Variants in ABCA13 observed in about 807,000 individuals in gnomAD.
ABCA13 encodes the protein ATP-binding cassette sub-family A member 13.
ABCA13 carries 476 observed loss-of-function variants against 478.7 expected under a neutral mutation model. The ratio of observed to expected loss-of-function variants is 0.99; its 90% CI spans 0.92 to 1.07. ABCA13 has a LOEUF of 1.07. Among genes scored for constraint, ABCA13 ranks in the 50% least tolerant of loss-of-function variants. The probability of loss-of-function intolerance (pLI) is 0.00; values close to 1 mark genes in which losing one functional copy is unlikely to be tolerated. For missense variants in ABCA13, 6,060 were observed against 5,910.6 expected, an observed-to-expected ratio of 1.03 and a Z score of -0.83; for synonymous variants, 2,252 against 2,158.9, an observed-to-expected ratio of 1.04 and a Z score of -1.20.
intron 57 of ABCA13, among the ~76,000 whole-genome samples, chr7:48,587,910 C>A (rs1225359642): frequency 6.6e-6 from 1 of 152,200 alleles, no homozygotes; most frequent in Admixed American, 6.5e-5. Flanking sequence ...ACTGTTAATA[C>A]AAGTAATGCC....
chr7:48,484,548 G>T (rs886950456), intron 47 of ABCA13, among the ~76,000 whole-genome samples: 4 of 152,060 alleles, frequency 2.6e-5, no homozygotes, highest in Non-Finnish European at 5.9e-5. Context: ...CCCTTCTTAC[G>T]TATTCATAGG....
intron 51 of ABCA13, among the ~76,000 whole-genome samples, chr7:48,512,412 C>T (rs1831768265): frequency 6.6e-6 from 1 of 152,006 alleles, no homozygotes; most frequent in Non-Finnish European, 1.5e-5. Flanking sequence ...ATGTAATATC[C>T]TGAGCTATAA....
intron 51 of ABCA13, among the ~76,000 whole-genome samples, chr7:48,513,934 T>C (rs1440792417): frequency 6.6e-6 from 1 of 152,210 alleles, no homozygotes; most frequent in East Asian, 1.9e-4. Context: ...CTCATGTGGC[T>C]TCATTTAGGA....
intron 41 of ABCA13, among the ~76,000 whole-genome samples, chr7:48,427,153 G>C (rs1282301187): frequency 6.6e-6 from 1 of 152,108 alleles, no homozygotes; most frequent in Non-Finnish European, 1.5e-5. Context: ...CTTTGTGTCT[G>C]CTTGCACTTC....
chr7:48,293,205 C>CA lies in ABCA13; in HGVS notation c.8956-2494dup, dbSNP rs1197640060. Among the ~76,000 whole-genome samples, 68 of 134,874 alleles carry CA rather than the reference C, an allele frequency of 5.0e-4. 3 individuals are homozygous for CA. Among genetic ancestry groups the CA allele is most frequent in the Non-Finnish European group, 9.8e-4 (58 of 59,032 alleles). The allele number at this position is 134,874 out of a possible 152,430, so 88.5% of individuals were successfully genotyped here. A position where few individuals can be genotyped will look rare whatever the true frequency, so the allele number is the denominator to read the frequency against. On this transcript the variant is annotated intron_variant, in intron 20 of 61. Transcript: ENST00000435803. ...GAGAAGTCTTCAGCCCCCCCCCCGCCACACACACACTAAATCTACCTCAGC... is the reference window on the plus strand; with the variant it reads ...GAGAAGTCTTCAGCCCCCCCCCCGCCAACACACACACTAAATCTACCTCAGC...
chr7:48,335,623 CAG>C (rs1806138761), intron 28 of ABCA13, 88 bp downstream of exon 28: 2 of 963,576 alleles, frequency 2.1e-6, no homozygotes, highest in Non-Finnish European at 3.2e-6. Flanking sequence ...GAAGATTCTA[CAG>C]AGTCACATCA....
chr7:48,407,675 G>A (rs1818442763), intron 39 of ABCA13, among the ~76,000 whole-genome samples: 1 of 151,576 alleles, frequency 6.6e-6, no homozygotes, highest in Non-Finnish European at 1.5e-5. Flanking sequence ...TCCTGCCTCA[G>A]CCTCCCAAGT....
intron 42 of ABCA13, among the ~76,000 whole-genome samples, chr7:48,428,077 T>C (rs1385622281): frequency 1.3e-5 from 2 of 152,154 alleles, no homozygotes; most frequent in Non-Finnish European, 2.9e-5. Flanking sequence ...ACTGTGTGTT[T>C]ATGGGACACA....
chr7:48,402,907 G>T (rs1041642223), intron 38 of ABCA13, among the ~76,000 whole-genome samples: 2 of 152,244 alleles, frequency 1.3e-5, no homozygotes, highest in East Asian at 3.8e-4. Context: ...TTTCAGGAAG[G>T]CATTGTTTAA....
chr7:48,257,115 T>C (rs76393764), intron 15 of ABCA13, among the ~76,000 whole-genome samples: 1 of 152,206 alleles, frequency 6.6e-6, no homozygotes, highest in African/African-American at 2.4e-5. Context: ...ATCTTGGATA[T>C]TGTTGGTTTG....
chr7:48,414,669 T>G (rs2129102968), intron 41 of ABCA13, among the ~76,000 whole-genome samples: 1 of 152,136 alleles, frequency 6.6e-6, no homozygotes, highest in South Asian at 2.1e-4. Context: ...GGTTTCGTTG[T>G]GTTGCTCAGG....
chr7:48,612,867 ATT>A (rs75789910), intron 58 of ABCA13, among the ~76,000 whole-genome samples: 3 of 148,398 alleles, frequency 2.0e-5, no homozygotes, highest in East Asian at 2.0e-4. Context: ...CTTTCTGGGT[ATT>A]TTTTTTTTTA....
intron 27 of ABCA13, among the ~76,000 whole-genome samples, chr7:48,325,687 A>C (rs572181623): frequency 4.5e-4 from 69 of 152,324 alleles, no homozygotes; most frequent in African/African-American, 1.6e-3. Flanking sequence ...AATTATTACT[A>C]TAAAAAGGCA....
chr7:48,289,486 G>T (rs1798215442), intron 20 of ABCA13, among the ~76,000 whole-genome samples: 1 of 151,642 alleles, frequency 6.6e-6, no homozygotes, highest in Non-Finnish European at 1.5e-5. Flanking sequence ...AGCCTCTTGA[G>T]TAGCTGGGAT....
intron 3 of ABCA13, among the ~76,000 whole-genome samples, chr7:48,211,953 C>T (rs910984030): frequency 9.9e-5 from 15 of 152,106 alleles, no homozygotes; most frequent in African/African-American, 3.4e-4. Context: ...ATGGCTACTA[C>T]ATCTGGTATT....
Position 48,245,881 on chromosome 7 carries a change from G to A in ABCA13, c.1510G>A (p.Val504Ile). ...CTTTTAGATGTTGGCGAAGAATGCT[G>A]TCTGCCCGAATGGTCGTTTCTCTGA... ...ELKQMLAKNA[V>I]CPNGRFSEKE... Residue 504 changes from valine (V) to isoleucine (I), a missense_variant, in exon 13 of 62, where the codon GTC becomes ATC. Val to Ile is a conservative substitution (Grantham distance 29). This residue lies in a region of ABCA13 where 4,423 missense variants were observed against 4,309.1 expected (regional missense o/e 1.03). Coordinates refer to ENST00000435803, the MANE Select transcript of ABCA13 (RefSeq NM_152701.5). 1.9e-6 allele frequency: 3 copies of A among 1,613,002 alleles called. No homozygotes were observed. The highest frequency in any genetic ancestry group is 2.5e-6 in the Non-Finnish European group (3 of 1,179,486).
At chr7:48,341,001 C>A (rs908642597) in intron 29 of ABCA13, among the ~76,000 whole-genome samples, 2 of 152,146 alleles carry the variant, frequency 1.3e-5, no homozygotes, top group Admixed American at 6.5e-5. Context: ...ATTTCTTGTT[C>A]TGAAAGATGC....
chr7:48,439,270 A>G (rs1823262004), intron 42 of ABCA13, among the ~76,000 whole-genome samples: 1 of 152,136 alleles, frequency 6.6e-6, no homozygotes, highest in Non-Finnish European at 1.5e-5. Context: ...TGGCAGAATC[A>G]GTTCCTTGAG....
rs1826789423 is a variant in ABCA13, at chr7:48,465,609, T to G, written c.12816-1347T>G. Among the ~76,000 whole-genome samples, 2 of 151,842 alleles carry G rather than the reference T, an allele frequency of 1.3e-5. 1 individual carries two copies. The highest frequency in any genetic ancestry group is 4.2e-4 in the South Asian group (2 of 4,814). On this transcript the variant is annotated intron_variant, in intron 43 of 61. Coordinates refer to ENST00000435803, the MANE Select transcript of ABCA13 (RefSeq NM_152701.5). ...CATATTTATGGGGTACATGTGATAT[T>G]TTGATACATGCGTACGATGTATAAT... is the stretch of plus-strand genomic sequence containing the variant.
Sources: allele counts gnomAD v4.1 joint callset (sites outside exome capture counted in the v4.1 genomes callset), GRCh38; gene constraint gnomAD v4.1.1; regional missense constraint gnomAD v4.1.1; transcripts MANE v1.5; gene names NCBI Gene and HGNC (gene_info 2026-07-23, HGNC 2026-07-21).